CEMIP: variants seen among roughly 807,000 people sequenced by gnomAD.
CEMIP encodes the protein cell migration-inducing and hyaluronan-binding protein.
A neutral mutation model predicts 156.9 loss-of-function variants in CEMIP; 105 were observed. The ratio of observed to expected loss-of-function variants is 0.67; its 90% CI spans 0.57 to 0.79. The LOEUF is 0.79. Ranked by LOEUF, CEMIP falls within the 30% of genes least tolerant of loss-of-function variation. The probability of loss-of-function intolerance (pLI) is 0.00; values close to 1 mark genes in which losing one functional copy is unlikely to be tolerated. For synonymous variants in CEMIP, 676 were observed against 668.4 expected (o/e 1.01, Z -0.17); for missense variants, 1,457 against 1,769.4 (o/e 0.82, Z 3.17).
intron 1 of CEMIP, among the ~76,000 whole-genome samples, chr15:80,799,821 T>C (rs1896330459): frequency 6.6e-6 from 1 of 152,150 alleles, no homozygotes; most frequent in Non-Finnish European, 1.5e-5. Flanking sequence ...AGCCCTGACT[T>C]GATCACAAAT....
At chr15:80,790,029 T>C (rs1896041578) in intron 1 of CEMIP, among the ~76,000 whole-genome samples, 1 of 152,146 alleles carries the variant, frequency 6.6e-6, no homozygotes, top group Non-Finnish European at 1.5e-5. Flanking sequence ...TGAAGGGCCC[T>C]TAGTGGCCAT....
Position 80,893,834 on chromosome 15 carries a change from C to CTT in CEMIP, c.1087-1142_1087-1141dup, listed in dbSNP as rs1210932013. On this transcript the variant is annotated intron_variant, in intron 10 of 29. Transcript: ENST00000394685. ...AACAATGTTTCCTAAAAAGTCTCCT[C>CTT]TTTTTTTTTTTTTTTGACTGGCTAT... is the stretch of plus-strand genomic sequence containing the variant. Among the ~76,000 whole-genome samples, 227 of 142,922 alleles carry CTT rather than the reference C, an allele frequency of 1.6e-3. 1 individual carries two copies. In the Middle Eastern group the frequency reaches 0.025, roughly 16 times the overall value. 93.8% of individuals were successfully genotyped at this position (142,922 alleles called of 152,430 possible). A position where few individuals can be genotyped will look rare whatever the true frequency, so the allele number is the denominator to read the frequency against.
chr15:80,881,888 G>A (rs747078629), intron 6 of CEMIP, among the ~76,000 whole-genome samples: 4 of 152,200 alleles, frequency 2.6e-5, no homozygotes, highest in Non-Finnish European at 4.4e-5. Context: ...AAGGAACGGC[G>A]GCTAGTGGAT....
rs1300958891 is a variant in CEMIP at position 80,861,089 on chromosome 15, CT to C, written c.-175-12448del. 5.3e-5 allele frequency among the ~76,000 whole-genome samples: 8 copies of C among 152,182 alleles called. No individual in the cohort carries two copies. The East Asian group carries it at 1.3e-3, about 26-fold the overall frequency. On this transcript the variant is annotated intron_variant, in intron 1 of 29. Transcript: ENST00000394685. ...GTAACCCCTGTCTCCGACAACTGGACTGTGAGCTCTAACCTGATCCAGAGCA... is the reference window on the plus strand; with the variant it reads ...GTAACCCCTGTCTCCGACAACTGGACGTGAGCTCTAACCTGATCCAGAGCA...
At chr15:80,900,648 G>GTGTGTGTGTGTC (rs1567090991) in intron 12 of CEMIP, among the ~76,000 whole-genome samples, 9 of 111,914 alleles carry the variant, frequency 8.0e-5, no homozygotes, top group African/African-American at 3.0e-4. Flanking sequence ...GTGTGTGTGT[G>GTGTGTGTGTGTC]TCTGTGTGTG....
At chr15:80,900,183 G>A (rs1899414538) in intron 12 of CEMIP, among the ~76,000 whole-genome samples, 1 of 152,208 alleles carries the variant, frequency 6.6e-6, no homozygotes, top group African/African-American at 2.4e-5. Flanking sequence ...CCCTGAGAAT[G>A]GAGAACCTTG....
chr15:80,809,978 CTT>C (rs1364076830), intron 1 of CEMIP, among the ~76,000 whole-genome samples: 1 of 152,174 alleles, frequency 6.6e-6, no homozygotes, highest in Non-Finnish European at 1.5e-5. Context: ...ATATCCGTAT[CTT>C]AAAGTCAACT....
chr15:80,866,919 C>T (rs1196811325), intron 1 of CEMIP, among the ~76,000 whole-genome samples: 1 of 152,030 alleles, frequency 6.6e-6, no homozygotes, highest in African/African-American at 2.4e-5. Flanking sequence ...TCCCCTCTCT[C>T]GCCTTTCCTC....
Position 80,936,881 on chromosome 15 carries a change from A to C in CEMIP, c.3217A>C (p.Asn1073His). 2 of 1,614,048 alleles carry C rather than the reference A, an allele frequency of 1.2e-6. No homozygotes were observed. Among genetic ancestry groups the C allele is most frequent in the Non-Finnish European group, 1.7e-6 (2 of 1,179,984 alleles). The stretch of plus-strand genomic sequence containing the variant: ...ACTCGCCATCTGGCTCATCAACTTC[A>C]ACAAGTGAGTGGGTGTCCAGCCAGG... The part of the protein sequence containing the change: ...AELAIWLINF[N>H]KGDWIRVGLC... Residue 1073 changes from asparagine (N) to histidine (H), a missense_variant, in exon 24 of 30, where the codon AAC becomes CAC. Coordinates refer to ENST00000394685, the MANE Select transcript of CEMIP (RefSeq NM_001293298.2).
rs563383736 is a variant in CEMIP, at chr15:80,865,985, C to T, written c.-175-7553C>T. Among the ~76,000 whole-genome samples the T allele has an allele frequency of 1.3e-3, 194 of 152,290 alleles. 2 individuals are homozygous for T. The highest frequency in any genetic ancestry group is 4.5e-3 in the African/African-American group (187 of 41,542). On this transcript the variant is annotated intron_variant, in intron 1 of 29. Transcript: ENST00000394685. ...CCAGCACCAGCGCAGTGGCCGCCCA[C>T]GGGCTAACGATGTGAGCTGAATGAA...
chr15:80,929,141 T>G lies in CEMIP; in HGVS notation c.2579T>G (p.Leu860Trp). Reference protein sequence around the residue: ...MDNRIWGPGGLDHSGRTLPIG... With the variant: ...MDNRIWGPGGWDHSGRTLPIG... ...AATAGGATCTGGGGCCCTGGCGGCT[T>G]GGACCATAGCGGAAGGACCCTCCCT... Residue 860 changes from leucine (L) to tryptophan (W), a missense_variant, in exon 21 of 30, where the codon TTG becomes TGG. Around this residue, in one of 5 missense-constraint regions of CEMIP, gnomAD observed 798 missense variants for 980.1 expected, o/e 0.81. Coordinates refer to ENST00000394685, the MANE Select transcript of CEMIP (RefSeq NM_001293298.2). 3 of 1,614,204 alleles carry G rather than the reference T, an allele frequency of 1.9e-6. No homozygotes were observed. The highest frequency in any genetic ancestry group is 2.5e-6 in the Non-Finnish European group (3 of 1,180,032).
intron 7 of CEMIP, 64 bp downstream of exon 7, chr15:80,884,418 G>C: frequency 6.5e-7 from 1 of 1,541,648 alleles, no homozygotes; most frequent in East Asian, 2.2e-5. Flanking sequence ...ATCCCACTGA[G>C]AATTTACCTT....
intron 14 of CEMIP, chr15:80,909,565 C>T (rs1276522792): frequency 1.8e-6 from 1 of 561,356 alleles, no homozygotes; most frequent in Non-Finnish European, 3.4e-6. Context: ...CCAGTTTTTC[C>T]TGTACTTCAT....
At chr15:80,883,039 T>A (rs925340071) in intron 6 of CEMIP, among the ~76,000 whole-genome samples, 1 of 152,114 alleles carries the variant, frequency 6.6e-6, no homozygotes, top group Non-Finnish European at 1.5e-5. Context: ...GTGCCAACAG[T>A]TGGAAACAAG....
chr15:80,861,143 G>A (rs910241398), intron 1 of CEMIP, among the ~76,000 whole-genome samples: 1 of 152,038 alleles, frequency 6.6e-6, no homozygotes. Context: ...GTTTCCTGCC[G>A]TGTCTCAATG....
chr15:80,790,590 C>CG (rs761524031), intron 1 of CEMIP, among the ~76,000 whole-genome samples: 31 of 152,276 alleles, frequency 2.0e-4, no homozygotes, highest in Non-Finnish European at 3.8e-4. Flanking sequence ...GGGGGTCACT[C>CG]GGCTCAAGGT....
chr15:80,831,205 T>A (rs1320423275), intron 1 of CEMIP, among the ~76,000 whole-genome samples: 2 of 151,852 alleles, frequency 1.3e-5, no homozygotes, highest in Non-Finnish European at 2.9e-5. Context: ...AGGTAGGAGG[T>A]AGAGAGCACT....
At chr15:80,890,424 C>CA (rs35179100) in intron 10 of CEMIP, among the ~76,000 whole-genome samples, 17,592 of 121,584 alleles carry the variant, frequency 0.14, 1,237 homozygotes, top group Non-Finnish European at 0.19. Flanking sequence ...ACTAAAAATA[C>CA]AAAAAAAAAA....
At chr15:80,886,803 CAG>C (rs138196074) in intron 7 of CEMIP, among the ~76,000 whole-genome samples, 3,965 of 152,262 alleles carry the variant, frequency 0.026, 57 homozygotes, top group Non-Finnish European at 0.04. Context: ...ACACAGTAAA[CAG>C]GGGAAATTTA....
Sources: gnomAD v4.1 joint callset for allele counts (sites outside exome capture counted in the v4.1 genomes callset) on GRCh38, gnomAD v4.1.1 for gene constraint, gnomAD v4.1.1 regional missense constraint, MANE v1.5 for transcripts, NCBI Gene and HGNC (gene_info 2026-07-23, HGNC 2026-07-21) for gene names.